The following HOXB3 variants were observed in gnomAD, a reference collection of about 807,000 sequenced individuals.
The protein encoded by HOXB3 is homeobox protein Hox-B3.
In HOXB3, 17 loss-of-function variants were observed where a neutral mutation model predicts 29.2. The ratio of observed to expected loss-of-function variants is 0.58; its 90% confidence interval spans 0.40 to 0.87. The LOEUF is 0.87. Among genes scored for constraint, HOXB3 ranks in the 40% least tolerant of loss-of-function variants. The pLI is 0.00. For synonymous variants in HOXB3, 317 were observed against 285.9 expected (o/e 1.11, Z -1.10); for missense variants, 637 against 616.3 (o/e 1.03, Z -0.35).
intron 2 of HOXB3, among the ~76,000 whole-genome samples, chr17:48,565,987 A>T (rs1238638158): frequency 6.6e-6 from 1 of 152,128 alleles, no homozygotes; most frequent in Non-Finnish European, 1.5e-5. Flanking sequence ...TGGTCACTAA[A>T]GCGTTAGCAG....
At chr17:48,585,436 A>G (rs1025941962) in intron 1 of HOXB3, among the ~76,000 whole-genome samples, 1 of 152,090 alleles carries the variant, frequency 6.6e-6, no homozygotes, top group African/African-American at 2.4e-5. Context: ...CTAGAGGGAG[A>G]GTTCAGTGTC....
At chr17:48,580,421 A>T (rs1489485311) in intron 1 of HOXB3, 1 of 151,276 alleles carries the variant, frequency 6.6e-6, no homozygotes, top group East Asian at 1.9e-4. Context: ...ATATTTTCCA[A>T]AGCGCCTCTC....
rs1186255462 is a variant in HOXB3 at position 48,552,553 on chromosome 17, G to C, written c.-79C>G. On this transcript the variant is annotated 5_prime_UTR_variant, in exon 4 of 5. Coordinates refer to ENST00000498678, the MANE Select transcript of HOXB3 (RefSeq NM_001384749.1). ...AGGACCGGACATTGGCAACCCTGGG[G>C]GTCACGTGACACGCCGGACCCCCCC... 2.5e-6 allele frequency: 3 copies of C among 1,182,380 alleles called. No individual in the cohort carries two copies. Among genetic ancestry groups the C allele is most frequent in the Non-Finnish European group, 3.5e-6 (3 of 851,604 alleles). 73.2% of individuals were successfully genotyped at this position (1,182,380 alleles called of 1,614,324 possible).
In HOXB3 at chr17:48,550,922, G is replaced by C. The variant is rs771782606; in HGVS notation, c.708C>G (p.Phe236Leu). The C allele has an allele frequency of 6.2e-7, 1 of 1,614,012 alleles. No individual in the cohort carries two copies. ...TCTTGTACTTCATGCGCCGGTTCTG[G>C]AACCAGATCTTGATCTGCCGCTCGC... ...NLSERQIKIW[F>L]QNRRMKYKKD... is the part of the protein sequence containing the mutation. The change falls in exon 5 of 5, where the codon TTC becomes TTG. Residue 236 changes from phenylalanine (F) to leucine (L), a missense_variant. Physicochemically the swap from Phe to Leu is conservative, Grantham distance 22. Coordinates refer to ENST00000498678, the MANE Select transcript of HOXB3 (RefSeq NM_001384749.1).
At chr17:48,567,905 A>G (rs2069441484) in intron 2 of HOXB3, among the ~76,000 whole-genome samples, 1 of 152,108 alleles carries the variant, frequency 6.6e-6, no homozygotes, top group Non-Finnish European at 1.5e-5. Flanking sequence ...CAAAGCTTTC[A>G]GCTTCTCTCC....
chr17:48,564,860 C>T (rs1013133854), intron 2 of HOXB3, among the ~76,000 whole-genome samples: 6 of 152,198 alleles, frequency 3.9e-5, no homozygotes, highest in Non-Finnish European at 5.9e-5. Context: ...AAGGATCAGA[C>T]GGGCGAGAAA....
rs1437313049 is a variant in HOXB3 at position 48,554,571 on chromosome 17, C to G, written c.-159+960G>C. ...CCCGGGTAGTCCCTGGCTGCTGCTG[C>G]CAGGCTGCCTCAGCCGGTCGCTGCT... is the stretch of plus-strand genomic sequence containing the variant. On this transcript the variant is annotated intron_variant, in intron 3 of 4. Coordinates refer to ENST00000498678, the MANE Select transcript of HOXB3 (RefSeq NM_001384749.1). The surrounding 1 kb of genome is among the most constrained non-coding windows in gnomAD (Gnocchi z 4.1). 1.4e-6 allele frequency: 1 copy of G among 696,926 alleles called. No homozygotes were observed. Among genetic ancestry groups the G allele is most frequent in the African/African-American group, 1.8e-5 (1 of 56,986 alleles). The allele number at this position is 696,926 out of a possible 1,614,324, so 43.2% of individuals were successfully genotyped here.
chr17:48,584,173 G>A (rs564723795), intron 1 of HOXB3, among the ~76,000 whole-genome samples: 16 of 152,266 alleles, frequency 1.1e-4, no homozygotes, highest in African/African-American at 3.4e-4. Flanking sequence ...TTCAACTCCC[G>A]TAAAAAAGAT....
intron 1 of HOXB3, chr17:48,579,382 T>C (rs2069875407): frequency 6.6e-6 from 1 of 152,302 alleles, no homozygotes; most frequent in African/African-American, 2.4e-5. Flanking sequence ...GCCATAGAGG[T>C]GACCCACACA....
intron 1 of HOXB3, among the ~76,000 whole-genome samples, chr17:48,586,893 T>G (rs2070057885): frequency 6.6e-6 from 1 of 151,836 alleles, no homozygotes; most frequent in Non-Finnish European, 1.5e-5. Flanking sequence ...AGGGGGGAGG[T>G]TAACCCCTCT....
chr17:48,551,729 C>G (rs1434351650), intron 4 of HOXB3, among the ~76,000 whole-genome samples: 1 of 152,238 alleles, frequency 6.6e-6, no homozygotes, highest in Non-Finnish European at 1.5e-5. Flanking sequence ...CAATCGTTGA[C>G]GACTCTGCAT....
At chr17:48,570,536 G>C (rs2144852236) in intron 2 of HOXB3, among the ~76,000 whole-genome samples, 1 of 152,324 alleles carries the variant, frequency 6.6e-6, no homozygotes, top group South Asian at 2.1e-4. Context: ...GGGGTCTGAG[G>C]GGCCTCCCCC....
At chr17:48,576,733 G>A (rs1034769921) in intron 1 of HOXB3, 3 of 1,507,000 alleles carry the variant, frequency 2.0e-6, no homozygotes, top group South Asian at 2.2e-5. Context: ...TAGAGCGCGC[G>A]GGGGCCTCCA....
chr17:48,576,913 G>GT, intron 1 of HOXB3: 5 of 1,614,248 alleles, frequency 3.1e-6, no homozygotes, highest in Non-Finnish European at 4.2e-6. Flanking sequence ...CTCCGGCGCC[G>GT]TGTCAGGTAG....
chr17:48,564,498 G>A (rs1217311189), intron 2 of HOXB3, among the ~76,000 whole-genome samples: 1 of 152,186 alleles, frequency 6.6e-6, no homozygotes, highest in African/African-American at 2.4e-5. Flanking sequence ...GGCACTCCGG[G>A]CGCGGCAGAC....
intron 2 of HOXB3, among the ~76,000 whole-genome samples, chr17:48,568,982 C>T (rs2069485630): frequency 6.6e-6 from 1 of 152,054 alleles, no homozygotes; most frequent in African/African-American, 2.4e-5. Flanking sequence ...AATACCCCAG[C>T]CCGCGGTGTG....
chr17:48,578,536 C>G (rs1480837561), intron 1 of HOXB3: 1 of 534,692 alleles, frequency 1.9e-6, no homozygotes, highest in African/African-American at 2.0e-5. Flanking sequence ...TCCCCTTCTT[C>G]CCTTCCCCCT....
chr17:48,588,401 G>A (rs2070085553), intron 1 of HOXB3, among the ~76,000 whole-genome samples: 1 of 152,180 alleles, frequency 6.6e-6, no homozygotes, highest in Non-Finnish European at 1.5e-5. Flanking sequence ...GACATGAGAG[G>A]GGGCAAAGAA....
At chr17:48,555,837 G>T (rs1436369839) in intron 2 of HOXB3, among the ~76,000 whole-genome samples, 2 of 152,174 alleles carry the variant, frequency 1.3e-5, no homozygotes, top group African/African-American at 4.8e-5. Context: ...GAAAGGTGCC[G>T]GGCGGCTCAG....
Sources: gnomAD v4.1 joint callset for allele counts (sites outside exome capture counted in the v4.1 genomes callset) on GRCh38, gnomAD v4.1.1 for gene constraint, Gnocchi (gnomAD v3.1) non-coding constraint, MANE v1.5 for transcripts, NCBI Gene and HGNC (gene_info 2026-07-23, HGNC 2026-07-21) for gene names.